Variants in PSMA1 observed in about 807,000 individuals in gnomAD.
The protein encoded by PSMA1 is proteasome 20S subunit alpha 1.
In PSMA1, 3 loss-of-function variants were observed where a neutral mutation model predicts 38.4. That is an observed-to-expected ratio of 0.08 (90% CI 0.04 to 0.20). The LOEUF is 0.20. Ranked by LOEUF, PSMA1 falls within the 10% of genes least tolerant of loss-of-function variation. PSMA1 has a pLI of 1.00. For synonymous variants in PSMA1, 101 were observed against 107.1 expected (o/e 0.94, Z 0.35); for missense variants, 227 against 325.3 (o/e 0.70, Z 2.32).
intron 2 of PSMA1, among the ~76,000 whole-genome samples, chr11:14,529,308 A>G (rs954114221): frequency 6.6e-6 from 1 of 152,182 alleles, no homozygotes; most frequent in Non-Finnish European, 1.5e-5. Flanking sequence ...TATAGGGTGC[A>G]ATTTGTAAGT....
upstream of PSMA1, among the ~76,000 whole-genome samples, chr11:14,524,192 G>C (rs1463146163): frequency 6.6e-6 from 1 of 151,358 alleles, no homozygotes; most frequent in Non-Finnish European, 1.5e-5. Flanking sequence ...AAATTAGCCA[G>C]GTGTAGTTGT....
At chr11:14,623,405 G>C (rs1852873174) in intron 1 of PSMA1, among the ~76,000 whole-genome samples, 1 of 152,180 alleles carries the variant, frequency 6.6e-6, no homozygotes, top group Non-Finnish European at 1.5e-5. Context: ...CCAGTGCGTG[G>C]ATCTGTAAAA....
At chr11:14,530,805 G>A (rs903009733) in intron 2 of PSMA1, among the ~76,000 whole-genome samples, 1 of 151,224 alleles carries the variant, frequency 6.6e-6, no homozygotes, top group Non-Finnish European at 1.5e-5. Flanking sequence ...AGGAGGCTGA[G>A]GCAGGAGAAC....
At chr11:14,505,594 TTTG>T (rs1281981128) in intron 9 of PSMA1, among the ~76,000 whole-genome samples, 1 of 151,860 alleles carries the variant, frequency 6.6e-6, no homozygotes, top group African/African-American at 2.4e-5. Flanking sequence ...GAAGCTTTTT[TTTG>T]TTTGTTTGTT....
chr11:14,596,460 G>A (rs909391620), intron 2 of PSMA1, among the ~76,000 whole-genome samples: 11 of 151,984 alleles, frequency 7.2e-5, no homozygotes, highest in South Asian at 4.1e-4. Flanking sequence ...GGTCCTTCAC[G>A]TCCCTTGTAA....
intron 1 of PSMA1, chr11:14,611,204 C>G (rs771527962): frequency 6.2e-5 from 31 of 503,180 alleles, no homozygotes; most frequent in Non-Finnish European, 1.0e-4. Context: ...AGATCTTCAT[C>G]AGACATCCTG....
chr11:14,580,100 GT>G (rs1852266017), intron 2 of PSMA1, among the ~76,000 whole-genome samples: 1 of 152,214 alleles, frequency 6.6e-6, no homozygotes, highest in Non-Finnish European at 1.5e-5. Context: ...CATGTGATCT[GT>G]CTGCAATACA....
intron 2 of PSMA1, among the ~76,000 whole-genome samples, chr11:14,596,257 G>A (rs1471138513): frequency 6.6e-6 from 1 of 152,210 alleles, no homozygotes; most frequent in Non-Finnish European, 1.5e-5. Context: ...GAACTTTAAA[G>A]TAATTTTTTC....
chr11:14,534,769 A>C lies in PSMA1; in HGVS notation c.22-15728T>G, dbSNP rs1160941171. On this transcript the variant is annotated intron_variant, in intron 2 of 10. Coordinates refer to the PSMA1 transcript ENST00000418988. The surrounding 1 kb of genome is among the most constrained non-coding windows in gnomAD (Gnocchi z 4.5). ...TGTGTACATATGCATATTTAAAAAAATTAAAAAAACAAACAAACCTGCTTA... is the reference window on the plus strand; with the variant it reads ...TGTGTACATATGCATATTTAAAAAACTTAAAAAAACAAACAAACCTGCTTA... Among the ~76,000 whole-genome samples, 1 of 133,058 alleles carries C rather than the reference A, an allele frequency of 7.5e-6. No individual in the cohort carries two copies. Among genetic ancestry groups the C allele is most frequent in the South Asian group, 2.6e-4 (1 of 3,792 alleles). 87.3% of individuals were successfully genotyped at this position (133,058 alleles called of 152,430 possible). A position where few individuals can be genotyped will look rare whatever the true frequency, so the allele number is the denominator to read the frequency against.
intron 2 of PSMA1, among the ~76,000 whole-genome samples, chr11:14,591,008 G>A (rs1029363682): frequency 6.6e-6 from 1 of 152,268 alleles, no homozygotes; most frequent in African/African-American, 2.4e-5. Flanking sequence ...CACTGTGGGA[G>A]CCCCTTTCTG....
chr11:14,632,169 T>A (rs1853027057), intron 1 of PSMA1, among the ~76,000 whole-genome samples: 1 of 145,904 alleles, frequency 6.9e-6, no homozygotes, highest in East Asian at 2.0e-4. Flanking sequence ...CATTTACATT[T>A]AAAGTTAATA....
At chr11:14,632,871 C>T (rs1853045428) in intron 1 of PSMA1, among the ~76,000 whole-genome samples, 1 of 152,096 alleles carries the variant, frequency 6.6e-6, no homozygotes, top group Admixed American at 6.5e-5. Flanking sequence ...TCCCTTCTCA[C>T]TTCATTTCAT....
At chr11:14,568,674 A>T (rs1852101995) in intron 2 of PSMA1, among the ~76,000 whole-genome samples, 2 of 152,346 alleles carry the variant, frequency 1.3e-5, no homozygotes, top group South Asian at 4.1e-4. Flanking sequence ...AGGCTTAAAG[A>T]ACTTTAGAGT....
At position 14,514,026 on chromosome 11, in the gene PSMA1, T is replaced by C. The variant is rs1394944200; in HGVS notation, c.344-139A>G. 4.4e-6 allele frequency: 6 copies of C among 1,351,084 alleles called. 1 individual carries two copies. The South Asian group carries it at 1.0e-4, about 24-fold the overall frequency. 83.7% of individuals were successfully genotyped at this position (1,351,084 alleles called of 1,614,324 possible). The stretch of plus-strand genomic sequence containing the variant: ...CCAGAGAAATAATGCAATAGGACAC[T>C]ATTTCTTTGGCCTAATATAAAATGT... On this transcript the variant is annotated intron_variant, in intron 5 of 9. Coordinates refer to ENST00000396394, the MANE Select transcript of PSMA1 (RefSeq NM_002786.4).
chr11:14,520,246 C>T, intron 1 of PSMA1, 51 bp downstream of exon 1: 1 of 1,612,802 alleles, frequency 6.2e-7, no homozygotes, highest in Non-Finnish European at 8.5e-7. Context: ...CGTCATCCCC[C>T]AGTCACCAGA....
intron 1 of PSMA1, among the ~76,000 whole-genome samples, chr11:14,634,093 C>T (rs1409780703): frequency 6.6e-6 from 1 of 152,122 alleles, no homozygotes; most frequent in East Asian, 1.9e-4. Context: ...AGAAATCACC[C>T]GTCTTCTGCG....
At chr11:14,527,854 A>G (rs1233782341) in intron 2 of PSMA1, among the ~76,000 whole-genome samples, 1 of 152,120 alleles carries the variant, frequency 6.6e-6, no homozygotes, top group East Asian at 1.9e-4. Context: ...CTTTAAGTGG[A>G]TAGAAGATCT....
intron 2 of PSMA1, among the ~76,000 whole-genome samples, chr11:14,546,894 AT>A (rs1197360971): frequency 6.6e-6 from 1 of 152,224 alleles, no homozygotes; most frequent in Non-Finnish European, 1.5e-5. Context: ...TTTTGCAAAA[AT>A]TTAGTCACTC....
At chr11:14,569,485 C>T (rs1477495738) in intron 2 of PSMA1, among the ~76,000 whole-genome samples, 1 of 152,158 alleles carries the variant, frequency 6.6e-6, no homozygotes, top group African/African-American at 2.4e-5. Context: ...ACAGACGGTA[C>T]CTGGAAAATC....
Sources: gnomAD v4.1 joint callset for allele counts (sites outside exome capture counted in the v4.1 genomes callset) on GRCh38, gnomAD v4.1.1 for gene constraint, Gnocchi (gnomAD v3.1) non-coding constraint, MANE v1.5 for transcripts, NCBI Gene and HGNC (gene_info 2026-07-23, HGNC 2026-07-21) for gene names.